The following CAPN14 variants were observed in gnomAD, a reference collection of about 807,000 sequenced individuals.
The protein encoded by CAPN14 is calpain-14.
Under a neutral mutation model 101.3 loss-of-function variants are expected in CAPN14, and 94 were observed. The ratio of observed to expected loss-of-function variants is 0.93; its 90% CI spans 0.79 to 1.10. CAPN14 has a LOEUF of 1.10. Ranked by LOEUF, CAPN14 falls within the 50% of genes least tolerant of loss-of-function variation. The pLI, the probability that CAPN14 is intolerant of heterozygous loss-of-function variation, is 0.00. For missense variants in CAPN14, 837 were observed against 828.4 expected (o/e 1.01, Z -0.13); for synonymous variants, 338 against 317.9 (o/e 1.06, Z -0.67).
chr2:31,212,166 T>A (rs1251578823), intron 1 of CAPN14, among the ~76,000 whole-genome samples: 1 of 152,040 alleles, frequency 6.6e-6, no homozygotes, highest in African/African-American at 2.4e-5. Flanking sequence ...AATAATTAGC[T>A]GGGCGCTGTG....
At chr2:31,179,022 G>A (rs1172142265) in intron 17 of CAPN14, among the ~76,000 whole-genome samples, 2 of 144,266 alleles carry the variant, frequency 1.4e-5, no homozygotes, top group South Asian at 2.2e-4. Context: ...TTCCTTTCAC[G>A]CCTACTTTTT....
Position 31,177,229 on chromosome 2 carries a change from A to T in CAPN14, c.1856-87T>A, listed in dbSNP as rs966009598. ...TCAAGGCCCCTTCAAATGTCCCTCC[A>T]GTTTAGGGACCTGAATCCTGATAGC... On this transcript the variant is annotated intron_variant, in intron 19 of 21. Transcript: ENST00000403897. 20 of 812,406 alleles carry T rather than the reference A, an allele frequency of 2.5e-5. No homozygotes were observed. The South Asian group carries it at 3.2e-4, about 13-fold the overall frequency. The allele number at this position is 812,406 out of a possible 1,614,324, so 50.3% of individuals were successfully genotyped here.
At chr2:31,191,107 G>T (rs1239188084) in intron 12 of CAPN14, among the ~76,000 whole-genome samples, 1 of 152,018 alleles carries the variant, frequency 6.6e-6, no homozygotes, top group African/African-American at 2.4e-5. Context: ...TATTAGCCCT[G>T]GGTATTTGTG....
rs1231597453 is a variant in CAPN14 at position 31,205,477 on chromosome 2, T to C, written c.-30A>G. 2 of 1,510,444 alleles carry C rather than the reference T, an allele frequency of 1.3e-6. No homozygotes were observed. The highest frequency in any genetic ancestry group is 9.0e-7 in the Non-Finnish European group (1 of 1,109,752). 93.6% of individuals were successfully genotyped at this position (1,510,444 alleles called of 1,614,324 possible). On this transcript the variant is annotated 5_prime_UTR_variant, in exon 2 of 22. Transcript: ENST00000403897. ...GGTGGTGGGTACAGTCCAGTGAGTC[T>C]TCCTGAGGAGTCTCTGCTGCTCCTG...
At chr2:31,210,388 C>T (rs933999622) in intron 1 of CAPN14, among the ~76,000 whole-genome samples, 18 of 152,234 alleles carry the variant, frequency 1.2e-4, no homozygotes, top group Admixed American at 3.3e-4. Context: ...GCGGAGCTTG[C>T]AGTGAGCCGA....
At chr2:31,176,528 C>A in intron 21 of CAPN14, 59 bp downstream of exon 21, 1 of 1,365,202 alleles carries the variant, frequency 7.3e-7, no homozygotes, top group Non-Finnish European at 1.0e-6. Context: ...AGAGCATGGT[C>A]CCGCAAGGGC....
At chr2:31,199,592 C>G (rs776763221) in intron 6 of CAPN14, 60 bp from the exon 7 acceptor site, 1 of 1,391,432 alleles carries the variant, frequency 7.2e-7, no homozygotes, top group Non-Finnish European at 9.9e-7. Flanking sequence ...TTCTTTGAGT[C>G]GTGGGAAGGC....
chr2:31,189,823 A>C (rs1681088658), intron 12 of CAPN14, among the ~76,000 whole-genome samples: 2 of 152,186 alleles, frequency 1.3e-5, no homozygotes, highest in Admixed American at 6.5e-5. Flanking sequence ...TCATCTGCCC[A>C]GAGTCATCAG....
At chr2:31,223,542 CTTTT>C (rs35488335) in intron 2 of CAPN14, among the ~76,000 whole-genome samples, 1 of 132,076 alleles carries the variant, frequency 7.6e-6, no homozygotes, top group Non-Finnish European at 1.6e-5. Context: ...TTTTTCTTTT[CTTTT>C]TTTTTTTTTT....
At chr2:31,181,084 T>G in intron 16 of CAPN14, 84 bp from the exon 17 acceptor site, 1 of 1,071,686 alleles carries the variant, frequency 9.3e-7, no homozygotes, top group East Asian at 2.6e-5. Flanking sequence ...CAGTGCTGCA[T>G]GGGCCAGCTG....
intron 5 of CAPN14, among the ~76,000 whole-genome samples, chr2:31,201,197 ATGTGTGTGTGTGCATG>A (rs964269723): frequency 6.1e-4 from 80 of 130,936 alleles, no homozygotes; most frequent in Non-Finnish European, 1.2e-3. Context: ...GTGTGTGTGC[ATGTGTGTGTGTGCATG>A]TGTGTGTCTG....
chr2:31,224,768 T>A (rs1225783368), intron 2 of CAPN14, among the ~76,000 whole-genome samples: 1 of 151,974 alleles, frequency 6.6e-6, no homozygotes. Context: ...TAGAAATATT[T>A]CATTTGTAAT....
intron 1 of CAPN14, among the ~76,000 whole-genome samples, chr2:31,208,970 T>C (rs1230531263): frequency 6.6e-6 from 1 of 151,982 alleles, no homozygotes; most frequent in Admixed American, 6.6e-5. Context: ...ATGTCAGCAT[T>C]ACTATTATTT....
At chr2:31,204,942 T>C (rs1333479928) in intron 2 of CAPN14, among the ~76,000 whole-genome samples, 1 of 152,022 alleles carries the variant, frequency 6.6e-6, no homozygotes, top group Non-Finnish European at 1.5e-5. Flanking sequence ...AGGGGCAGTT[T>C]TGTGGGATGA....
chr2:31,180,350 T>A (rs1558611463), intron 17 of CAPN14, among the ~76,000 whole-genome samples: 1 of 152,214 alleles, frequency 6.6e-6, no homozygotes, highest in African/African-American at 2.4e-5. Context: ...CCTTAGGCTA[T>A]CTATTCAATA....
Position 31,180,916 on chromosome 2 carries a change from C to G in CAPN14, c.1710+20G>C, listed in dbSNP as rs1232902059. On this transcript the variant is annotated intron_variant, in intron 17 of 21. Coordinates refer to ENST00000403897, the MANE Select transcript of CAPN14 (RefSeq NM_001145122.2). Reference sequence around the variant, plus strand: ...CTCTCAACCAACAGCAAGCATCCACCCACAAACCTGAAAGGATACGTCCAG... The same window carrying G: ...CTCTCAACCAACAGCAAGCATCCACGCACAAACCTGAAAGGATACGTCCAG... 2 of 1,549,992 alleles carry G rather than the reference C, an allele frequency of 1.3e-6. No homozygotes were observed. The highest frequency in any genetic ancestry group is 1.7e-6 in the Non-Finnish European group (2 of 1,145,506).
intron 1 of CAPN14, among the ~76,000 whole-genome samples, chr2:31,217,179 C>A (rs1348611095): frequency 6.6e-6 from 1 of 152,142 alleles, no homozygotes; most frequent in African/African-American, 2.4e-5. Flanking sequence ...TCAGAAATTA[C>A]CCAGGCCCAA....
chr2:31,188,150 C>T (rs369261241), intron 14 of CAPN14, among the ~76,000 whole-genome samples, 168 bp downstream of exon 14: 1 of 152,198 alleles, frequency 6.6e-6, no homozygotes, highest in African/African-American at 2.4e-5. Context: ...GGTGCAAAAA[C>T]AGCAAAGCCC....
chr2:31,186,906 G>A (rs1415654595), intron 15 of CAPN14, among the ~76,000 whole-genome samples: 1 of 152,046 alleles, frequency 6.6e-6, no homozygotes, highest in Admixed American at 6.6e-5. Context: ...ATATAGATTG[G>A]GATTCTCTAT....
Sources: allele counts gnomAD v4.1 joint callset (sites outside exome capture counted in the v4.1 genomes callset), GRCh38; gene constraint gnomAD v4.1.1; transcripts MANE v1.5; gene names NCBI Gene and HGNC (gene_info 2026-07-23, HGNC 2026-07-21).